The following ZNF157 variants were observed in gnomAD, a reference collection of about 807,000 sequenced individuals.
ZNF157 encodes the protein zinc finger protein 22.
In ZNF157, 8 loss-of-function variants were observed where a neutral mutation model predicts 9.4. The ratio of observed to expected loss-of-function variants is 0.85; its 90% CI spans 0.50 to 1.53. The LOEUF (loss-of-function observed/expected upper bound fraction) is 1.53. Among genes scored for constraint, ZNF157 ranks in the 40% most tolerant of loss-of-function variants. The pLI is 0.00. For missense variants in ZNF157, 316 were observed against 385.2 expected (o/e 0.82, Z 1.50); for synonymous variants, 120 against 130.8 (o/e 0.92, Z 0.56).
At chrX:47,399,552 A>C (rs765067317) in intron 1 of ZNF157, among the ~76,000 whole-genome samples, 7 of 111,894 alleles carry the variant, frequency 6.3e-5, no homozygotes, top group Non-Finnish European at 1.3e-4. Context: ...CTCTCAGAAA[A>C]GTGGAGGAAT....
At chrX:47,384,688 T>C (rs1433493404) in intron 1 of ZNF157, among the ~76,000 whole-genome samples, 1 of 112,793 alleles carries the variant, frequency 8.9e-6, no homozygotes, top group Non-Finnish European at 1.9e-5. Context: ...CCGGCGCTTA[T>C]GGCAAAAGCC....
intron 1 of ZNF157, among the ~76,000 whole-genome samples, chrX:47,396,198 A>G (rs758278325): frequency 9.0e-6 from 1 of 110,530 alleles, no homozygotes; most frequent in East Asian, 2.8e-4. Context: ...CTGAGGGAAG[A>G]GGATCCAGTC....
intron 1 of ZNF157, chrX:47,388,652 G>A (rs1354239390): frequency 6.7e-6 from 1 of 148,263 alleles, no homozygotes; most frequent in Non-Finnish European, 1.4e-5. Context: ...ATCCTCTGGG[G>A]TGTGCTCAGA....
chrX:47,390,679 T>A (rs2055894710), intron 1 of ZNF157, among the ~76,000 whole-genome samples: 1 of 112,812 alleles, frequency 8.9e-6, no homozygotes, highest in South Asian at 3.6e-4. Flanking sequence ...CACGCCAGCC[T>A]GGGCAACAAG....
chrX:47,400,734 CAGCCTCGACCTCCTAGGCTCAGGCGA>C (rs1274261445), intron 1 of ZNF157, among the ~76,000 whole-genome samples: 1 of 111,759 alleles, frequency 8.9e-6, no homozygotes, highest in Middle Eastern at 4.2e-3. Context: ...GGGCTCACTG[CAGCCTCGACCTCCTAGGCTCAGGCGA>C]TCCTCCCGCC....
chrX:47,401,277 C>T (rs919806091), intron 1 of ZNF157, among the ~76,000 whole-genome samples: 3 of 111,980 alleles, frequency 2.7e-5, no homozygotes, highest in African/African-American at 9.7e-5. Context: ...TCAGCCATTG[C>T]TGTTGGGTAG....
At chrX:47,388,680 T>C (rs1305012172) in intron 1 of ZNF157, 10 of 155,537 alleles carry the variant, frequency 6.4e-5, no homozygotes, top group Non-Finnish European at 1.3e-4. Flanking sequence ...GCCTGAAGAA[T>C]GCTTCTTCTG....
At chrX:47,406,528 T>C (rs1181736474) in intron 1 of ZNF157, among the ~76,000 whole-genome samples, 1 of 110,640 alleles carries the variant, frequency 9.0e-6, no homozygotes, top group Non-Finnish European at 1.9e-5. Context: ...CACGCACCAC[T>C]ACACCTGGCT....
rs2055856701 is a variant in ZNF157 at position 47,380,105 on chromosome X, A to G, written c.72+9365A>G. Among the ~76,000 whole-genome samples, 3 of 110,502 alleles carry G rather than the reference A, an allele frequency of 2.7e-5. No individual in the cohort carries two copies. The Admixed American group carries it at 2.9e-4, about 11-fold the overall frequency. On this transcript the variant is annotated intron_variant, in intron 1 of 3. Coordinates refer to ENST00000377073, the MANE Select transcript of ZNF157 (RefSeq NM_003446.4). ...GATTGGGATTATGTTGAATCTCCTG[A>G]TCAAGGTGGGGACAATTGACATGTT...
At chrX:47,377,747 T>A (rs35511309) in intron 1 of ZNF157, among the ~76,000 whole-genome samples, 24,886 of 97,597 alleles carry the variant, frequency 0.25, 2,755 homozygotes, top group South Asian at 0.4. Flanking sequence ...TTTTTTTTTT[T>A]TAAAAAAAAC....
chrX:47,380,988 A>G (rs1204748163), intron 1 of ZNF157, among the ~76,000 whole-genome samples: 8 of 51,920 alleles, frequency 1.5e-4, no homozygotes, highest in African/African-American at 3.9e-4. Context: ...AGGAGGAGAA[A>G]GAGAAGGAGG....
chrX:47,377,911 AGTTT>A (rs1365461350), intron 1 of ZNF157, among the ~76,000 whole-genome samples: 3 of 109,915 alleles, frequency 2.7e-5, no homozygotes, highest in African/African-American at 9.9e-5. Flanking sequence ...TTAATTGAGT[AGTTT>A]GTTTTCTTAT....
At chrX:47,379,190 A>T (rs1405281749) in intron 1 of ZNF157, among the ~76,000 whole-genome samples, 3 of 108,028 alleles carry the variant, frequency 2.8e-5, no homozygotes, top group Non-Finnish European at 5.7e-5. Context: ...ATGGGGTCTC[A>T]CTAGGTTGCC....
chrX:47,377,951 G>A (rs2055850006), intron 1 of ZNF157, among the ~76,000 whole-genome samples: 1 of 109,803 alleles, frequency 9.1e-6, no homozygotes, highest in South Asian at 3.9e-4. Context: ...TTCTTTGTAC[G>A]TTTTGGATAC....
intron 1 of ZNF157, among the ~76,000 whole-genome samples, chrX:47,372,547 T>C (rs1465772476): frequency 1.9e-5 from 2 of 102,904 alleles, no homozygotes; most frequent in Non-Finnish European, 3.9e-5. Context: ...CAGGCTGGAG[T>C]GCAATGGCGT....
rs1393779233 is a variant in ZNF157, at chrX:47,413,261, T to C, written c.1188T>C (p.Tyr396=). The C allele has an allele frequency of 1.7e-6, 2 of 1,211,441 alleles. No homozygotes were observed. The highest frequency in any genetic ancestry group is 5.9e-5 in the East Asian group (2 of 33,819). The change falls in exon 4 of 4, where the codon TAT becomes TAC. Residue 396 remains tyrosine (Y), a synonymous_variant. Coordinates refer to ENST00000377073, the MANE Select transcript of ZNF157 (RefSeq NM_003446.4). Reference sequence around the variant, plus strand: ...GTAATGAGTGTGGTAATGCTTTCTATGTGAAAGCACGCCTAATTGAACATC... The same window carrying C: ...GTAATGAGTGTGGTAATGCTTTCTACGTGAAAGCACGCCTAATTGAACATC... ...YECNECGNAF[Y]VKARLIEHQR...
chrX:47,396,651 T>C (rs766092955), intron 1 of ZNF157, among the ~76,000 whole-genome samples: 3 of 112,187 alleles, frequency 2.7e-5, no homozygotes, highest in African/African-American at 6.5e-5. Flanking sequence ...CCCTTTGCCC[T>C]CAGCAGACAC....
intron 3 of ZNF157, 125 bp downstream of exon 3, chrX:47,410,900 A>T (rs2055962585): frequency 3.7e-6 from 2 of 541,595 alleles, no homozygotes; most frequent in African/African-American, 4.7e-5. Context: ...TAGCTCTTTG[A>T]AAATAAGGAC....
chrX:47,384,859 A>G (rs1166015116), intron 1 of ZNF157, among the ~76,000 whole-genome samples: 3 of 112,454 alleles, frequency 2.7e-5, no homozygotes, highest in Non-Finnish European at 3.8e-5. Flanking sequence ...TAACGCTCCA[A>G]TAGGGAGTGC....
Sources: allele counts gnomAD v4.1 joint callset (sites outside exome capture counted in the v4.1 genomes callset), GRCh38; gene constraint gnomAD v4.1.1; transcripts MANE v1.5; gene names NCBI Gene and HGNC (gene_info 2026-07-23, HGNC 2026-07-21).